SYNE1: variants seen among roughly 807,000 people sequenced by gnomAD.
SYNE1 encodes the protein spectrin repeat containing nuclear envelope protein 1.
SYNE1 carries 616 observed loss-of-function variants against 1,111.0 expected under a neutral mutation model. The ratio of observed to expected loss-of-function variants is 0.55; its 90% CI spans 0.52 to 0.59. The LOEUF is 0.59. SYNE1 is among the 20% of genes least tolerant of loss of function. The pLI is 0.00. For synonymous variants in SYNE1, 3,855 were observed against 3,825.8 expected (o/e 1.01, Z -0.28); for missense variants, 10,006 against 10,417.0 (o/e 0.96, Z 1.72).
intron 131 of SYNE1, among the ~76,000 whole-genome samples, chr6:152,156,536 T>C (rs1177872429): frequency 6.6e-6 from 1 of 152,238 alleles, no homozygotes. Flanking sequence ...AATGCTGTAG[T>C]ATTTGCATAC....
At chr6:152,407,521 A>G (rs946223918) in intron 44 of SYNE1, among the ~76,000 whole-genome samples, 36 of 152,176 alleles carry the variant, frequency 2.4e-4, no homozygotes, top group Non-Finnish European at 2.9e-5. Context: ...GTCCATCAAG[A>G]ACAGTGTTGT....
intron 4 of SYNE1, among the ~76,000 whole-genome samples, chr6:152,530,264 T>C (rs1485469029): frequency 6.6e-6 from 1 of 152,216 alleles, no homozygotes; most frequent in Non-Finnish European, 1.5e-5. Flanking sequence ...TCTTTCTTCT[T>C]GGTTAAATCA....
intron 71 of SYNE1, 92 bp from the exon 72 acceptor site, chr6:152,350,427 G>C: frequency 6.4e-7 from 1 of 1,559,188 alleles, no homozygotes; most frequent in Non-Finnish European, 8.8e-7. Context: ...CAACTCACAG[G>C]GTAGTTAGAG....
chr6:152,416,367 C>G lies in SYNE1; in HGVS notation c.6050+20G>C, dbSNP rs1275265434. 22 of 1,613,080 alleles carry G rather than the reference C, an allele frequency of 1.4e-5. No individual in the cohort carries two copies. Among genetic ancestry groups the G allele is most frequent in the Non-Finnish European group, 1.9e-5 (22 of 1,180,010 alleles). On this transcript the variant is annotated intron_variant, in intron 41 of 145. Coordinates refer to ENST00000367255, the MANE Select transcript of SYNE1 (RefSeq NM_182961.4). ...ATACAAAAGAAAAGAGACAAGTGGC[C>G]GTGACAGTTTCCTATTTACCTCTGC...
Position 152,206,749 on chromosome 6 carries a change from A to G in SYNE1, c.22825-387T>C, listed in dbSNP as rs140627097. ...GACCTGGTGCGGTGAGATGAGTGTG[A>G]TCAGGAGTGGAGGAGAGGCCACCTT... On this transcript the variant is annotated intron_variant, in intron 125 of 145. Coordinates refer to ENST00000367255, the MANE Select transcript of SYNE1 (RefSeq NM_182961.4). Among the ~76,000 whole-genome samples, 877 of 152,286 alleles carry G rather than the reference A, an allele frequency of 5.8e-3. 14 individuals are homozygous for G. Among genetic ancestry groups the G allele is most frequent in the African/African-American group, 0.02 (847 of 41,556 alleles).
At position 152,636,171 on chromosome 6, in the gene SYNE1, G is replaced by A. The variant is rs537458720; in HGVS notation, c.-224+467C>T. ...CGCCGCTGGAGTCTGACGCGCCAGG[G>A]CCTCCGCGCAGCCTTCAAGCCATTT... On this transcript the variant is annotated intron_variant, in intron 2 of 145. Transcript: ENST00000367255. Among the ~76,000 whole-genome samples the A allele has an allele frequency of 9.4e-4, 143 of 152,208 alleles. No homozygotes were observed. The Middle Eastern group carries it at 0.017, about 18-fold the overall frequency.
At chr6:152,261,230 G>A (rs967088827) in intron 101 of SYNE1, among the ~76,000 whole-genome samples, 9 of 152,152 alleles carry the variant, frequency 5.9e-5, no homozygotes, top group Non-Finnish European at 1.0e-4. Flanking sequence ...CTAGATGGAC[G>A]CTGCTAGCCC....
At chr6:152,256,848 A>G (rs1231263413) in intron 101 of SYNE1, 83 bp from the exon 102 acceptor site, 1 of 1,585,478 alleles carries the variant, frequency 6.3e-7, no homozygotes, top group Non-Finnish European at 8.6e-7. Context: ...ACTGAAATAG[A>G]TGCTGAAAAC....
At chr6:152,605,121 GAA>G (rs1565144786) in intron 3 of SYNE1, among the ~76,000 whole-genome samples, 12 of 129,476 alleles carry the variant, frequency 9.3e-5, no homozygotes, top group Non-Finnish European at 1.5e-4. Flanking sequence ...AGGAAGGAAG[GAA>G]GGAAGGAGAA....
At chr6:152,409,423 G>GA in intron 43 of SYNE1, 136 bp downstream of exon 43, 4 of 1,280,228 alleles carry the variant, frequency 3.1e-6, no homozygotes, top group South Asian at 1.3e-5. Flanking sequence ...ATTCCTAGGG[G>GA]AAAAAAAGTT....
chr6:152,205,252 T>A (rs17082323), intron 126 of SYNE1, among the ~76,000 whole-genome samples: 1 of 152,126 alleles, frequency 6.6e-6, no homozygotes, highest in Non-Finnish European at 1.5e-5. Context: ...GTGTTGGTGA[T>A]TATCAACATA....
At position 152,331,908 on chromosome 6, in the gene SYNE1, G is replaced by C. The variant is rs1202190354; in HGVS notation, c.12795-18C>G. On this transcript the variant is annotated intron_variant, in intron 77 of 145. Coordinates refer to ENST00000367255, the MANE Select transcript of SYNE1 (RefSeq NM_182961.4). Reference sequence around the variant, plus strand: ...CATCAGATCTGAAAATACATGGAAAGGTATAAGAGCAAATTAGCTGTAGTC... The same window carrying C: ...CATCAGATCTGAAAATACATGGAAACGTATAAGAGCAAATTAGCTGTAGTC... 6.2e-7 allele frequency: 1 copy of C among 1,607,336 alleles called. No individual in the cohort carries two copies. The highest frequency in any genetic ancestry group is 8.5e-7 in the Non-Finnish European group (1 of 1,179,960).
chr6:152,244,305 T>C (rs2086537271), intron 106 of SYNE1, among the ~76,000 whole-genome samples: 1 of 152,118 alleles, frequency 6.6e-6, no homozygotes, highest in South Asian at 2.1e-4. Context: ...ATGAGAATAA[T>C]AATAAAGTAA....
intron 117 of SYNE1, 58 bp from the exon 118 acceptor site, chr6:152,221,617 G>C: frequency 6.2e-7 from 1 of 1,606,574 alleles, no homozygotes; most frequent in Non-Finnish European, 8.5e-7. Context: ...TAATAAGCAA[G>C]TTTAAAAGGA....
chr6:152,385,871 G>C, intron 54 of SYNE1, 33 bp from the exon 55 acceptor site: 5 of 1,610,722 alleles, frequency 3.1e-6, no homozygotes, highest in Non-Finnish European at 3.4e-6. Context: ...CCTTAACAGT[G>C]GTCCTTTTGA....
At chr6:152,429,171 A>T (rs553133646) in intron 36 of SYNE1, among the ~76,000 whole-genome samples, 15 of 151,820 alleles carry the variant, frequency 9.9e-5, no homozygotes, top group African/African-American at 3.6e-4. Flanking sequence ...CTTCCCATGT[A>T]TTGACTCTTT....
intron 3 of SYNE1, among the ~76,000 whole-genome samples, chr6:152,608,219 T>TCTTG (rs1262928434): frequency 1.8e-4 from 28 of 152,334 alleles, no homozygotes; most frequent in Admixed American, 1.8e-3. Context: ...GTGTGCGCTC[T>TCTTG]CTTGCTTGCT....
rs576955220 is a variant in SYNE1 at position 152,332,869 on chromosome 6, G to A, written c.12795-979C>T. On this transcript the variant is annotated intron_variant, in intron 77 of 145. Transcript: ENST00000367255. ...ATCAGTTCTGAAGTATGAAAAGCAG[G>A]GTTGGGAGGCAGTATGAGGAGTTCT... 5.3e-5 allele frequency among the ~76,000 whole-genome samples: 8 copies of A among 152,276 alleles called. No individual in the cohort carries two copies. The South Asian group carries it at 1.0e-3, about 20-fold the overall frequency.
chr6:152,441,562 AAAAT>A (rs1376816526), intron 31 of SYNE1, among the ~76,000 whole-genome samples: 5 of 152,366 alleles, frequency 3.3e-5, no homozygotes, highest in African/African-American at 9.6e-5. Context: ...AAGTGACAAA[AAAAT>A]AAAAAAGGCC....
Sources: allele counts gnomAD v4.1 joint callset (sites outside exome capture counted in the v4.1 genomes callset), GRCh38; gene constraint gnomAD v4.1.1; transcripts MANE v1.5; gene names NCBI Gene and HGNC (gene_info 2026-07-23, HGNC 2026-07-21).